The following CLEC16A variants were observed in gnomAD, a reference collection of about 807,000 sequenced individuals.
CLEC16A encodes protein CLEC16A.
Under a neutral mutation model 109.5 loss-of-function variants are expected in CLEC16A, and 51 were observed. The observed-to-expected ratio is 0.47, with a 90% confidence interval of 0.37 to 0.59. The LOEUF (loss-of-function observed/expected upper bound fraction) is 0.59, where lower values mean the gene tolerates loss of function less well. Ranked by LOEUF, CLEC16A falls within the 20% of genes least tolerant of loss-of-function variation. CLEC16A has a pLI of 0.00. For missense variants in CLEC16A, 1,339 were observed against 1,394.0 expected (o/e 0.96, Z 0.63); for synonymous variants, 673 against 564.2 (o/e 1.19, Z -2.73).
At chr16:11,167,475 G>C (rs1282613536) in intron 23 of CLEC16A, among the ~76,000 whole-genome samples, 1 of 152,130 alleles carries the variant, frequency 6.6e-6, no homozygotes, top group East Asian at 1.9e-4. Context: ...ATGGCAGGAG[G>C]ACACGGGCTA....
intron 19 of CLEC16A, among the ~76,000 whole-genome samples, chr16:11,072,371 G>A (rs940936928): frequency 2.0e-5 from 3 of 152,014 alleles, no homozygotes; most frequent in Non-Finnish European, 2.9e-5. Context: ...CTCCTGCTTC[G>A]GCTTCCCAAT....
chr16:10,968,865 C>G (rs944733541), intron 3 of CLEC16A, among the ~76,000 whole-genome samples: 1 of 152,126 alleles, frequency 6.6e-6, no homozygotes, highest in Admixed American at 6.5e-5. Flanking sequence ...CTACTCCCAG[C>G]TCTTTGTTGC....
chr16:11,105,634 G>A (rs1312932588), intron 19 of CLEC16A, among the ~76,000 whole-genome samples: 1 of 152,206 alleles, frequency 6.6e-6, no homozygotes, highest in African/African-American at 2.4e-5. Context: ...ACCTTTGGAA[G>A]CAGACAGAGC....
chr16:11,101,369 C>T (rs571147900), intron 19 of CLEC16A, among the ~76,000 whole-genome samples: 176 of 152,322 alleles, frequency 1.2e-3, no homozygotes, highest in African/African-American at 4.0e-3. Context: ...CATATCCCAG[C>T]CCCAACAAAG....
intron 19 of CLEC16A, among the ~76,000 whole-genome samples, chr16:11,095,325 A>G (rs1462309756): frequency 2.6e-5 from 4 of 152,194 alleles, no homozygotes; most frequent in African/African-American, 9.7e-5. Context: ...AGGCCCTCAT[A>G]GCAGCCTGGC....
At chr16:10,948,537 G>A (rs8055876) in intron 1 of CLEC16A, among the ~76,000 whole-genome samples, 23,003 of 152,130 alleles carry the variant, frequency 0.15, 2,115 homozygotes, top group South Asian at 0.27. Context: ...TGATGGAATC[G>A]TTTGATTGCT....
intron 23 of CLEC16A, among the ~76,000 whole-genome samples, chr16:11,176,240 C>A (rs1258984354): frequency 2.6e-5 from 4 of 152,244 alleles, no homozygotes; most frequent in African/African-American, 9.6e-5. Flanking sequence ...TGGAGCAAAT[C>A]AGTTGAAATT....
At chr16:11,091,281 T>C (rs1030931910) in intron 19 of CLEC16A, among the ~76,000 whole-genome samples, 6 of 152,234 alleles carry the variant, frequency 3.9e-5, no homozygotes, top group African/African-American at 1.4e-4. Flanking sequence ...AAAGGGAAGT[T>C]GTGTGTGGCT....
intron 10 of CLEC16A, among the ~76,000 whole-genome samples, chr16:10,983,232 G>T (rs1198296345): frequency 2.0e-5 from 3 of 152,164 alleles, no homozygotes; most frequent in Non-Finnish European, 4.4e-5. Context: ...TACCACTCCG[G>T]GCCTTAGGTT....
rs61740101 is a variant in CLEC16A at position 11,039,785 on chromosome 16, G to A, written c.1569G>A (p.Gln523=). 3,505 of 1,606,432 alleles carry A rather than the reference G, an allele frequency of 2.2e-3. 70 individuals are homozygous for A. In the African/African-American group the frequency reaches 0.041, roughly 19 times the overall value. ...GMDPEKLERI[Q]LPVPNAAEKT... is the part of the protein sequence containing the mutation. ...ATCCTGAAAAATTAGAGCGAATCCAGCTCCCCGTGCCAAATGCGGCCGAGA... is the reference window on the plus strand; with the variant it reads ...ATCCTGAAAAATTAGAGCGAATCCAACTCCCCGTGCCAAATGCGGCCGAGA... Residue 523 remains glutamine (Q), a synonymous_variant, in exon 14 of 24, where the codon CAG becomes CAA. Transcript: ENST00000409790.
intron 12 of CLEC16A, among the ~76,000 whole-genome samples, chr16:11,023,607 T>C (rs1262369478): frequency 7.9e-6 from 1 of 126,508 alleles, no homozygotes; most frequent in Non-Finnish European, 1.6e-5. Flanking sequence ...AGTACATTTT[T>C]CCTACTTTTT....
chr16:11,088,627 C>T (rs80217729), intron 19 of CLEC16A, among the ~76,000 whole-genome samples: 59 of 152,294 alleles, frequency 3.9e-4, no homozygotes, highest in Admixed American at 9.8e-4. Flanking sequence ...CAGCCACGCG[C>T]GGAGAGCTTC....
intron 13 of CLEC16A, among the ~76,000 whole-genome samples, chr16:11,033,507 G>T (rs2046861393): frequency 6.6e-6 from 1 of 152,154 alleles, no homozygotes; most frequent in African/African-American, 2.4e-5. Flanking sequence ...CTCAGTCCTG[G>T]CCTGTGAGCA....
chr16:11,088,815 G>A (rs1411417210), intron 19 of CLEC16A, among the ~76,000 whole-genome samples: 3 of 152,226 alleles, frequency 2.0e-5, no homozygotes, highest in African/African-American at 7.2e-5. Flanking sequence ...TGAGTCGGGT[G>A]GGGGTCCTGC....
intron 12 of CLEC16A, among the ~76,000 whole-genome samples, chr16:11,023,045 A>G (rs1468919973): frequency 6.7e-6 from 1 of 149,940 alleles, no homozygotes; most frequent in Non-Finnish European, 1.5e-5. Context: ...AAAAGTCTTC[A>G]CTGCTAACAT....
chr16:11,042,708 A>T (rs531792766), intron 15 of CLEC16A, among the ~76,000 whole-genome samples: 4 of 152,234 alleles, frequency 2.6e-5, no homozygotes, highest in African/African-American at 9.6e-5. Flanking sequence ...CACATTGATT[A>T]TGGTTTTTGT....
rs543636965 is a variant in CLEC16A, at chr16:11,026,203, T to C, written c.1537+1282T>C. Among the ~76,000 whole-genome samples the C allele has an allele frequency of 6.6e-5, 10 of 152,348 alleles. No homozygotes were observed. In the South Asian group the frequency reaches 1.4e-3, roughly 22 times the overall value. Reference sequence around the variant, plus strand: ...ACCTAATAGAATGAATTGAGAAATATTATCTTCTCCTTGATTTTCTGGAGG... The same window carrying C: ...ACCTAATAGAATGAATTGAGAAATACTATCTTCTCCTTGATTTTCTGGAGG... On this transcript the variant is annotated intron_variant, in intron 13 of 23. Coordinates refer to ENST00000409790, the MANE Select transcript of CLEC16A (RefSeq NM_015226.3).
chr16:11,149,801 A>C (rs2153077871), intron 22 of CLEC16A: 1 of 151,986 alleles, frequency 6.6e-6, no homozygotes, highest in South Asian at 2.1e-4. Context: ...AAAAAAAAAA[A>C]ATTGCAACAT....
At chr16:10,985,573 T>A (rs928962488) in intron 10 of CLEC16A, among the ~76,000 whole-genome samples, 2 of 151,940 alleles carry the variant, frequency 1.3e-5, no homozygotes, top group African/African-American at 4.8e-5. Flanking sequence ...GTTGCATGAT[T>A]TCCAAGCCTG....
Sources: allele counts gnomAD v4.1 joint callset (sites outside exome capture counted in the v4.1 genomes callset), GRCh38; gene constraint gnomAD v4.1.1; transcripts MANE v1.5; gene names NCBI Gene and HGNC (gene_info 2026-07-23, HGNC 2026-07-21).